The following GRB14 variants were observed in gnomAD, a reference collection of about 807,000 sequenced individuals.
GRB14 encodes growth factor receptor bound protein 14.
Under a neutral mutation model 69.1 loss-of-function variants are expected in GRB14, and 38 were observed. The ratio of observed to expected loss-of-function variants is 0.55; its 90% CI spans 0.42 to 0.72. GRB14 has a LOEUF of 0.72. Ranked by LOEUF, GRB14 falls within the 30% of genes least tolerant of loss-of-function variation. The pLI is 0.00. For missense variants in GRB14, 666 were observed against 666.1 expected (o/e 1.00, Z 0.00); for synonymous variants, 247 against 241.3 (o/e 1.02, Z -0.22).
intron 2 of GRB14, among the ~76,000 whole-genome samples, chr2:164,548,801 CTGA>C (rs1559045821): frequency 5.3e-5 from 8 of 152,148 alleles, no homozygotes. Context: ...TTGCATTTAC[CTGA>C]TGATTGGTGA....
chr2:164,494,291 T>C, intron 13 of GRB14, 140 bp downstream of exon 13: 2 of 601,212 alleles, frequency 3.3e-6, no homozygotes, highest in Non-Finnish European at 6.0e-6. Context: ...TTAACTCTAG[T>C]CAAAGCACAA....
chr2:164,606,529 T>TCA (rs1690044865), intron 2 of GRB14, among the ~76,000 whole-genome samples: 1 of 152,174 alleles, frequency 6.6e-6, no homozygotes, highest in African/African-American at 2.4e-5. Flanking sequence ...CTTTAAATAT[T>TCA]TAGTCATTTT....
intron 6 of GRB14, 109 bp from the exon 7 acceptor site, chr2:164,508,961 C>T: frequency 1.9e-6 from 1 of 523,936 alleles, no homozygotes; most frequent in Admixed American, 4.1e-5. Context: ...AACAGAAGTT[C>T]AATATGATGC....
At chr2:164,495,103 A>C (rs1559018179) in intron 12 of GRB14, among the ~76,000 whole-genome samples, 1 of 152,020 alleles carries the variant, frequency 6.6e-6, no homozygotes, top group Non-Finnish European at 1.5e-5. Flanking sequence ...CACCAAGCCC[A>C]GCTAATTTTT....
chr2:164,493,419 C>T (rs1318879927), intron 13 of GRB14, among the ~76,000 whole-genome samples: 3 of 148,766 alleles, frequency 2.0e-5, no homozygotes, highest in African/African-American at 7.4e-5. Flanking sequence ...CTAATTCTCC[C>T]AGCATTCTGT....
At chr2:164,601,387 G>C (rs761900661) in intron 2 of GRB14, among the ~76,000 whole-genome samples, 21 of 152,114 alleles carry the variant, frequency 1.4e-4, no homozygotes, top group Non-Finnish European at 3.1e-4. Flanking sequence ...TTGGTTTCAT[G>C]GGTGGTGTAA....
Position 164,619,744 on chromosome 2 carries a change from T to C in GRB14, c.267A>G (p.Pro89=), listed in dbSNP as rs1202920921. ...PNPFPELCCS[P]FTSVLSADLF... Reference sequence around the variant, plus strand: ...GGTCTGCTGACAACACAGATGTAAATGGAGAACAGCATAGCTCAGGAAAAG... The same window carrying C: ...GGTCTGCTGACAACACAGATGTAAACGGAGAACAGCATAGCTCAGGAAAAG... The change falls in exon 2 of 14, where the codon CCA becomes CCG. Residue 89 remains proline, a synonymous_variant. Coordinates refer to ENST00000263915, the MANE Select transcript of GRB14 (RefSeq NM_004490.3). The C allele has an allele frequency of 1.9e-6, 3 of 1,606,218 alleles. No individual in the cohort carries two copies. The highest frequency in any genetic ancestry group is 2.7e-5 in the African/African-American group (2 of 74,708).
intron 2 of GRB14, among the ~76,000 whole-genome samples, chr2:164,606,217 C>A (rs1401261220): frequency 3.3e-5 from 5 of 152,126 alleles, no homozygotes; most frequent in African/African-American, 1.2e-4. Context: ...TCTTATACTC[C>A]CACTTTGAGA....
chr2:164,542,091 T>C (rs182951004), intron 3 of GRB14, among the ~76,000 whole-genome samples: 2 of 152,150 alleles, frequency 1.3e-5, no homozygotes, highest in Non-Finnish European at 2.9e-5. Flanking sequence ...TATTGACCAA[T>C]GGAACACAAC....
At chr2:164,524,733 T>C (rs950144734) in intron 5 of GRB14, among the ~76,000 whole-genome samples, 1 of 152,042 alleles carries the variant, frequency 6.6e-6, no homozygotes, top group African/African-American at 2.4e-5. Flanking sequence ...CAGAACAAAA[T>C]TGCAAGTTTC....
intron 3 of GRB14, among the ~76,000 whole-genome samples, chr2:164,546,689 G>T (rs1688385307): frequency 6.6e-6 from 1 of 152,182 alleles, no homozygotes. Flanking sequence ...TGGGTTCCCT[G>T]GCAGAAGATC....
chr2:164,545,131 C>A (rs1478876500), intron 3 of GRB14, among the ~76,000 whole-genome samples: 1 of 152,140 alleles, frequency 6.6e-6, no homozygotes, highest in East Asian at 1.9e-4. Flanking sequence ...GTATAAAATT[C>A]TTTCACAAGT....
At chr2:164,618,693 A>T (rs969551257) in intron 2 of GRB14, among the ~76,000 whole-genome samples, 3 of 152,198 alleles carry the variant, frequency 2.0e-5, no homozygotes, top group Non-Finnish European at 4.4e-5. Context: ...TCAATAATTC[A>T]TCTGCTTCCT....
chr2:164,608,295 C>A (rs908638964), intron 2 of GRB14, among the ~76,000 whole-genome samples: 2 of 151,862 alleles, frequency 1.3e-5, no homozygotes, highest in Non-Finnish European at 2.9e-5. Flanking sequence ...TCGCTTGAAC[C>A]CAGGAGGTGG....
chr2:164,615,430 C>T (rs957907120), intron 2 of GRB14, among the ~76,000 whole-genome samples: 3 of 152,108 alleles, frequency 2.0e-5, no homozygotes, highest in African/African-American at 7.2e-5. Context: ...CGTTTGTCTC[C>T]CCTGTTCTTC....
At chr2:164,562,640 A>G (rs1688859240) in intron 2 of GRB14, among the ~76,000 whole-genome samples, 2 of 152,348 alleles carry the variant, frequency 1.3e-5, no homozygotes, top group Non-Finnish European at 2.9e-5. Flanking sequence ...AGGTGGGGAA[A>G]AAGGGAAATT....
At chr2:164,561,735 C>T (rs1688833829) in intron 2 of GRB14, among the ~76,000 whole-genome samples, 1 of 152,298 alleles carries the variant, frequency 6.6e-6, no homozygotes, top group African/African-American at 2.4e-5. Context: ...CAATTTTCCT[C>T]ATCCAAAAAT....
At chr2:164,498,662 G>A (rs1201339260) in intron 9 of GRB14, among the ~76,000 whole-genome samples, 1 of 152,140 alleles carries the variant, frequency 6.6e-6, no homozygotes, top group Non-Finnish European at 1.5e-5. Flanking sequence ...GGGCCCCCTG[G>A]CTTAAAAGCA....
At chr2:164,527,606 T>C (rs766577714) in intron 3 of GRB14, among the ~76,000 whole-genome samples, 3 of 151,940 alleles carry the variant, frequency 2.0e-5, no homozygotes, top group Non-Finnish European at 4.4e-5. Context: ...TTTAAGACTG[T>C]CCAGACTAAT....
Sources: gnomAD v4.1 joint callset for allele counts (sites outside exome capture counted in the v4.1 genomes callset) on GRCh38, gnomAD v4.1.1 for gene constraint, MANE v1.5 for transcripts, NCBI Gene and HGNC (gene_info 2026-07-23, HGNC 2026-07-21) for gene names.